Variants in PRKG1 observed in about 807,000 individuals in gnomAD.
PRKG1 encodes the protein cGMP-dependent protein kinase 1.
In PRKG1, 35 loss-of-function variants were observed where a neutral mutation model predicts 88.1. The ratio of observed to expected loss-of-function variants is 0.40; its 90% CI spans 0.30 to 0.53. The LOEUF is 0.53. Ranked by LOEUF, PRKG1 falls within the 20% of genes least tolerant of loss-of-function variation. PRKG1 has a pLI of 0.59. For missense variants in PRKG1, 540 were observed against 839.8 expected (o/e 0.64, Z 4.41); for synonymous variants, 303 against 292.5 (o/e 1.04, Z -0.37).
intron 3 of PRKG1, among the ~76,000 whole-genome samples, chr10:51,720,955 A>G (rs1310177158): frequency 1.3e-5 from 2 of 152,064 alleles, no homozygotes; most frequent in Non-Finnish European, 2.9e-5. Context: ...TAATCCAAGC[A>G]GAATTTTTTG....
intron 3 of PRKG1, among the ~76,000 whole-genome samples, chr10:51,628,890 C>T (rs1383138709): frequency 6.7e-6 from 1 of 149,912 alleles, no homozygotes; most frequent in African/African-American, 2.5e-5. Context: ...ACCCGGGAAG[C>T]GGAGCTTGCA....
chr10:52,006,096 C>CA (rs759082412), intron 5 of PRKG1, among the ~76,000 whole-genome samples: 11,783 of 92,306 alleles, frequency 0.13, 635 homozygotes, highest in Non-Finnish European at 0.17. Context: ...AACAAACAAA[C>CA]AAACAAAAAA....
At chr10:51,935,453 G>C (rs1842781431) in intron 5 of PRKG1, among the ~76,000 whole-genome samples, 1 of 152,080 alleles carries the variant, frequency 6.6e-6, no homozygotes, top group Admixed American at 6.6e-5. Context: ...CCTACAACTG[G>C]ATTTCAGTAA....
chr10:51,711,396 G>T (rs779795563), intron 3 of PRKG1, among the ~76,000 whole-genome samples: 1 of 152,228 alleles, frequency 6.6e-6, no homozygotes, highest in South Asian at 2.1e-4. Context: ...GAGCCACTGC[G>T]CCTGGCCTGA....
At chr10:52,104,557 C>A (rs1204210146) in intron 7 of PRKG1, among the ~76,000 whole-genome samples, 2 of 152,096 alleles carry the variant, frequency 1.3e-5, no homozygotes, top group African/African-American at 4.8e-5. Context: ...AATAAGGCCA[C>A]CTCTGCTGAA....
intron 3 of PRKG1, among the ~76,000 whole-genome samples, chr10:51,625,698 A>AAC (rs2132269394): frequency 6.6e-6 from 1 of 151,870 alleles, no homozygotes; most frequent in African/African-American, 2.4e-5. Context: ...TATTTAAATT[A>AAC]TGCTTCAATA....
upstream of PRKG1, among the ~76,000 whole-genome samples, chr10:51,069,802 C>A (rs1843800756): frequency 6.6e-6 from 1 of 152,044 alleles, no homozygotes; most frequent in Non-Finnish European, 1.5e-5. Flanking sequence ...GTGACCAACT[C>A]TCCTGGTTTG....
At chr10:51,857,086 C>T (rs1840703106) in intron 4 of PRKG1, among the ~76,000 whole-genome samples, 1 of 152,024 alleles carries the variant, frequency 6.6e-6, no homozygotes, top group Non-Finnish European at 1.5e-5. Context: ...GTCATACTCA[C>T]AATTATGATA....
At chr10:52,118,940 CAATTTT>C (rs1417714899) in intron 7 of PRKG1, among the ~76,000 whole-genome samples, 1 of 151,976 alleles carries the variant, frequency 6.6e-6, no homozygotes, top group Non-Finnish European at 1.5e-5. Context: ...CTTAAAATCT[CAATTTT>C]AATTTTCATT....
chr10:51,730,534 T>TA (rs751015017), intron 3 of PRKG1, among the ~76,000 whole-genome samples: 7 of 152,200 alleles, frequency 4.6e-5, no homozygotes, highest in Non-Finnish European at 8.8e-5. Context: ...AATTCATATG[T>TA]AAGCGTACTT....
At chr10:51,125,307 G>C (rs181098027) in intron 1 of PRKG1, among the ~76,000 whole-genome samples, 1 of 152,094 alleles carries the variant, frequency 6.6e-6, no homozygotes, top group Admixed American at 6.6e-5. Flanking sequence ...CTGGGTGACA[G>C]AGTGAGACCT....
chr10:51,022,092 G>A (rs936271190), intron 1 of PRKG1, among the ~76,000 whole-genome samples: 2 of 152,128 alleles, frequency 1.3e-5, no homozygotes, highest in African/African-American at 4.8e-5. Context: ...AGCTCCTGTT[G>A]GGGCATTCAA....
At chr10:51,872,436 T>A (rs1796531406) in intron 4 of PRKG1, among the ~76,000 whole-genome samples, 2 of 152,150 alleles carry the variant, frequency 1.3e-5, no homozygotes, top group African/African-American at 4.8e-5. Context: ...TGACTATTAG[T>A]TTTTGGTGGA....
intron 1 of PRKG1, among the ~76,000 whole-genome samples, chr10:51,063,773 T>A (rs927578713): frequency 1.3e-5 from 2 of 152,156 alleles, no homozygotes; most frequent in African/African-American, 4.8e-5. Context: ...ACCAGTGTTA[T>A]TTACCTGTTA....
chr10:51,735,881 G>T (rs10999164), intron 3 of PRKG1, among the ~76,000 whole-genome samples: 50,803 of 97,556 alleles, frequency 0.52, 11,819 homozygotes, highest in Middle Eastern at 0.62. Flanking sequence ...ATATATATAT[G>T]TATATTTATT....
At chr10:52,234,041 C>A (rs1381167733) in intron 9 of PRKG1, among the ~76,000 whole-genome samples, 1 of 151,892 alleles carries the variant, frequency 6.6e-6, no homozygotes, top group African/African-American at 2.4e-5. Flanking sequence ...GAGGCACCCC[C>A]CAGCAGAGGC....
intron 9 of PRKG1, among the ~76,000 whole-genome samples, chr10:52,214,629 C>G (rs902161978): frequency 1.3e-5 from 2 of 152,174 alleles, no homozygotes; most frequent in South Asian, 2.1e-4. Flanking sequence ...ACAAACAAAC[C>G]ATTTAAGGAT....
At chr10:52,109,732 C>T (rs576038223) in intron 7 of PRKG1, among the ~76,000 whole-genome samples, 1 of 152,166 alleles carries the variant, frequency 6.6e-6, no homozygotes, top group African/African-American at 2.4e-5. Flanking sequence ...CACTGCACTC[C>T]AGCCTGGGTG....
intron 2 of PRKG1, among the ~76,000 whole-genome samples, chr10:51,296,036 G>A (rs1023109987): frequency 2.0e-5 from 3 of 151,960 alleles, no homozygotes; most frequent in East Asian, 1.9e-4. Context: ...ACTTGGTCAC[G>A]GTGTATGATC....
Sources: allele counts gnomAD v4.1 joint callset (sites outside exome capture counted in the v4.1 genomes callset), GRCh38; gene constraint gnomAD v4.1.1; transcripts MANE v1.5; gene names NCBI Gene and HGNC (gene_info 2026-07-23, HGNC 2026-07-21).